Variants in PARD3B observed in about 807,000 individuals in gnomAD.
PARD3B encodes the protein par-3 family cell polarity regulator beta.
A neutral mutation model predicts 130.2 loss-of-function variants in PARD3B; 103 were observed. The ratio of observed to expected loss-of-function variants is 0.79; its 90% CI spans 0.67 to 0.93. PARD3B has a LOEUF of 0.93. PARD3B is among the 40% of genes least tolerant of loss of function. The probability of loss-of-function intolerance (pLI) is 0.00; values close to 1 mark genes in which losing one functional copy is unlikely to be tolerated. For synonymous variants in PARD3B, 583 were observed against 553.2 expected, an observed-to-expected ratio of 1.05 and a Z score of -0.76; for missense variants, 1,609 against 1,499.2, an observed-to-expected ratio of 1.07 and a Z score of -1.21.
intron 1 of PARD3B, among the ~76,000 whole-genome samples, chr2:204,576,135 C>T (rs1352250912): frequency 6.6e-6 from 1 of 152,210 alleles, no homozygotes; most frequent in Non-Finnish European, 1.5e-5. Flanking sequence ...TCTGCCTTGA[C>T]ATCATCTAGC....
intron 20 of PARD3B, among the ~76,000 whole-genome samples, chr2:205,487,050 G>A (rs1018878590): frequency 2.0e-5 from 3 of 152,114 alleles, no homozygotes; most frequent in Non-Finnish European, 4.4e-5. Flanking sequence ...TACATAGCAC[G>A]ATTTAACACC....
intron 2 of PARD3B, among the ~76,000 whole-genome samples, chr2:204,762,938 G>T (rs1049889093): frequency 1.3e-5 from 2 of 151,654 alleles, no homozygotes; most frequent in Admixed American, 6.6e-5. Flanking sequence ...TTTTGTATTT[G>T]TAGTAGAGAC....
chr2:204,751,999 C>CA (rs1018805299), intron 2 of PARD3B, among the ~76,000 whole-genome samples: 1 of 152,074 alleles, frequency 6.6e-6, no homozygotes, highest in African/African-American at 2.4e-5. Context: ...ATCCCAATGT[C>CA]AAATATGTCT....
chr2:205,112,774 T>C (rs1703731611), intron 5 of PARD3B, among the ~76,000 whole-genome samples: 1 of 152,178 alleles, frequency 6.6e-6, no homozygotes, highest in Admixed American at 6.6e-5. Flanking sequence ...TTCTAGCTGA[T>C]CCTTTCCTTA....
chr2:205,071,330 G>A (rs937862883), intron 4 of PARD3B, among the ~76,000 whole-genome samples: 3 of 152,076 alleles, frequency 2.0e-5, no homozygotes, highest in South Asian at 2.1e-4. Context: ...CATTCTTCTC[G>A]CCAAAGATCT....
At chr2:205,497,232 C>T (rs961367479) in intron 20 of PARD3B, among the ~76,000 whole-genome samples, 1 of 149,138 alleles carries the variant, frequency 6.7e-6, no homozygotes, top group African/African-American at 2.5e-5. Context: ...AAGAAAGGTA[C>T]GTGATTCCCA....
intron 2 of PARD3B, among the ~76,000 whole-genome samples, chr2:204,725,265 G>C (rs549509229): frequency 6.6e-6 from 1 of 152,294 alleles, no homozygotes; most frequent in East Asian, 1.9e-4. Flanking sequence ...GAGAATGTTA[G>C]AGAATAAGAT....
At chr2:204,729,807 CT>C (rs2039407834) in intron 2 of PARD3B, among the ~76,000 whole-genome samples, 1 of 151,896 alleles carries the variant, frequency 6.6e-6, no homozygotes, top group South Asian at 2.1e-4. Flanking sequence ...CAATTTAACC[CT>C]TTTGATAACC....
At chr2:204,752,899 TG>T (rs1235109374) in intron 2 of PARD3B, among the ~76,000 whole-genome samples, 1 of 152,208 alleles carries the variant, frequency 6.6e-6, no homozygotes, top group East Asian at 1.9e-4. Flanking sequence ...CATCCCACAG[TG>T]TACTATACAG....
chr2:204,717,633 CA>C (rs1559084623), intron 2 of PARD3B, among the ~76,000 whole-genome samples: 1 of 152,106 alleles, frequency 6.6e-6, no homozygotes, highest in Non-Finnish European at 1.5e-5. Flanking sequence ...ATAGAATGAG[CA>C]GTGAGAACTG....
At chr2:205,293,175 A>G (rs999722798) in intron 16 of PARD3B, among the ~76,000 whole-genome samples, 1 of 152,190 alleles carries the variant, frequency 6.6e-6, no homozygotes, top group African/African-American at 2.4e-5. Context: ...CAATATGTAA[A>G]GATACATTCA....
Position 205,135,807 on chromosome 2 carries a change from A to G in PARD3B, c.1434+10070A>G, listed in dbSNP as rs532472621. On this transcript the variant is annotated intron_variant, in intron 10 of 22. Transcript: ENST00000406610. ...ACAATCAAACATCGCAGGGGTTAAGATGCATTTTTCTTTAAGATACTATAA... is the reference window on the plus strand; with the variant it reads ...ACAATCAAACATCGCAGGGGTTAAGGTGCATTTTTCTTTAAGATACTATAA... Among the ~76,000 whole-genome samples the G allele has an allele frequency of 9.2e-5, 14 of 152,256 alleles. No individual in the cohort carries two copies. In the East Asian group the frequency reaches 2.7e-3, roughly 29 times the overall value.
intron 2 of PARD3B, among the ~76,000 whole-genome samples, chr2:204,946,946 G>A (rs1408185261): frequency 1.3e-5 from 2 of 152,226 alleles, no homozygotes; most frequent in Non-Finnish European, 2.9e-5. Flanking sequence ...CAGTCAGGCA[G>A]CAGAGACAGA....
chr2:205,123,977 A>C (rs1488096712), intron 8 of PARD3B, among the ~76,000 whole-genome samples: 4 of 152,204 alleles, frequency 2.6e-5, no homozygotes, highest in Non-Finnish European at 5.9e-5. Flanking sequence ...GACAGAACTT[A>C]AGTCAAATGG....
At chr2:205,045,329 A>G (rs998185949) in intron 3 of PARD3B, among the ~76,000 whole-genome samples, 1 of 151,344 alleles carries the variant, frequency 6.6e-6, no homozygotes, top group Non-Finnish European at 1.5e-5. Flanking sequence ...GCTCACTGCA[A>G]CCTCCGCCTC....
intron 1 of PARD3B, among the ~76,000 whole-genome samples, chr2:204,595,808 C>A (rs2125099450): frequency 6.6e-6 from 1 of 152,244 alleles, no homozygotes; most frequent in African/African-American, 2.4e-5. Context: ...GAGCCTTGGT[C>A]AAAGTTGAAA....
intron 18 of PARD3B, among the ~76,000 whole-genome samples, chr2:205,344,043 G>A (rs1471452054): frequency 2.0e-5 from 3 of 152,054 alleles, no homozygotes; most frequent in Middle Eastern, 3.2e-3. Context: ...AGTGGTAGGG[G>A]GTTAGGGAAA....
chr2:205,045,112 GTT>G (rs201589277), intron 3 of PARD3B, among the ~76,000 whole-genome samples: 9 of 138,568 alleles, frequency 6.5e-5, no homozygotes, highest in Non-Finnish European at 9.4e-5. Context: ...CCATCTTAAA[GTT>G]TTTTTTTTTT....
chr2:205,405,795 C>G lies in PARD3B; in HGVS notation c.2741+4672C>G, dbSNP rs112826851. On this transcript the variant is annotated intron_variant, in intron 19 of 22. Coordinates refer to ENST00000406610, the MANE Select transcript of PARD3B (RefSeq NM_001302769.2). The surrounding 1 kb of genome is among the most constrained non-coding windows in gnomAD (Gnocchi z 4.1). Reference sequence around the variant, plus strand: ...TAATGGAAATAAATGTAAAGTCTTGCATTTAGGTCCAAAAATGAACTACAC... The same window carrying G: ...TAATGGAAATAAATGTAAAGTCTTGGATTTAGGTCCAAAAATGAACTACAC... 2.0e-5 allele frequency among the ~76,000 whole-genome samples: 3 copies of G among 152,080 alleles called. No homozygotes were observed. The highest frequency in any genetic ancestry group is 6.6e-5 in the Admixed American group (1 of 15,266).
Sources: gnomAD v4.1 joint callset for allele counts (sites outside exome capture counted in the v4.1 genomes callset) on GRCh38, gnomAD v4.1.1 for gene constraint, Gnocchi (gnomAD v3.1) non-coding constraint, MANE v1.5 for transcripts, NCBI Gene and HGNC (gene_info 2026-07-23, HGNC 2026-07-21) for gene names.